The following SLCO6A1 variants were observed in gnomAD, a reference collection of about 807,000 sequenced individuals.
SLCO6A1 encodes cancer/testis antigen 48.
SLCO6A1 carries 65 observed loss-of-function variants against 72.7 expected under a neutral mutation model. That is an observed-to-expected ratio of 0.89 (90% confidence interval 0.73 to 1.10). The LOEUF (loss-of-function observed/expected upper bound fraction) is 1.10, where lower values mean the gene tolerates loss of function less well. Among genes scored for constraint, SLCO6A1 ranks in the 50% least tolerant of loss-of-function variants. The pLI is 0.00. For missense variants in SLCO6A1, 874 were observed against 872.6 expected (o/e 1.00, Z -0.02); for synonymous variants, 314 against 298.2 (o/e 1.05, Z -0.55).
intron 12 of SLCO6A1, among the ~76,000 whole-genome samples, chr5:102,387,020 A>G (rs1746455587): frequency 1.3e-5 from 2 of 152,098 alleles, no homozygotes; most frequent in South Asian, 4.1e-4. Flanking sequence ...CATGTGCTAT[A>G]TTCTTTCAGT....
intron 12 of SLCO6A1, among the ~76,000 whole-genome samples, chr5:102,377,150 C>G (rs562497354): frequency 5.3e-4 from 80 of 152,160 alleles, no homozygotes; most frequent in Middle Eastern, 3.4e-3. Flanking sequence ...GGTGACAGAG[C>G]AAGACATTGT....
At chr5:102,459,536 C>T (rs886162050) in intron 5 of SLCO6A1, 120 bp downstream of exon 5, 2 of 1,144,912 alleles carry the variant, frequency 1.7e-6, no homozygotes, top group Non-Finnish European at 2.4e-6. Context: ...TATGACAAAC[C>T]ACTACAGCGA....
At position 102,419,828 on chromosome 5, in the gene SLCO6A1, A is replaced by T. The variant is rs1748488411; in HGVS notation, c.1470T>A (p.Asp490Glu). The T allele has an allele frequency of 2.5e-6, 4 of 1,593,604 alleles. No individual in the cohort carries two copies. The African/African-American group carries it at 4.1e-5, about 16-fold the overall frequency. ...CTAATATACAAGACTACATTTACCC[A>T]TCATAATCTTCATTGATCCCAGCAA... ...VQFAGINEDY[D>E]GTGKLGNLTA... The change falls in exon 8 of 14, where the codon GAT becomes GAA. Residue 490 changes from aspartate to glutamate, a missense_variant and splice_region_variant. Transcript: ENST00000506729.
At chr5:102,445,163 G>A (rs1396946559) in intron 6 of SLCO6A1, among the ~76,000 whole-genome samples, 4 of 152,108 alleles carry the variant, frequency 2.6e-5, no homozygotes, top group African/African-American at 4.8e-5. Context: ...TTCCACAATG[G>A]CTGAAGTGAT....
At chr5:102,460,336 T>TTGCTGTC (rs1450080664) in intron 4 of SLCO6A1, among the ~76,000 whole-genome samples, 1 of 152,160 alleles carries the variant, frequency 6.6e-6, no homozygotes, top group African/African-American at 2.4e-5. Flanking sequence ...TTAGGACCCT[T>TTGCTGTC]TGCTGTCTTC....
At chr5:102,402,638 A>G (rs1049393713) in intron 9 of SLCO6A1, among the ~76,000 whole-genome samples, 2 of 152,186 alleles carry the variant, frequency 1.3e-5, no homozygotes, top group African/African-American at 4.8e-5. Flanking sequence ...GTAAGAGAAC[A>G]GGAGCACAAG....
intron 1 of SLCO6A1, among the ~76,000 whole-genome samples, chr5:102,488,601 A>G (rs1315915593): frequency 1.3e-5 from 2 of 152,228 alleles, no homozygotes; most frequent in Admixed American, 1.3e-4. Flanking sequence ...AAGCAATGAG[A>G]AATTATGGGG....
chr5:102,494,196 A>G (rs1580532582), intron 1 of SLCO6A1, among the ~76,000 whole-genome samples: 1 of 152,318 alleles, frequency 6.6e-6, no homozygotes, highest in African/African-American at 2.4e-5. Flanking sequence ...ACTGTTTTCA[A>G]TAAACTATAC....
rs569213122 is a variant in SLCO6A1 at position 102,426,062 on chromosome 5, C to T, written c.1277-6041G>A. Among the ~76,000 whole-genome samples, 4 of 152,222 alleles carry T rather than the reference C, an allele frequency of 2.6e-5. No homozygotes were observed. In the South Asian group the frequency reaches 8.3e-4, roughly 32 times the overall value. ...AAATGGTGCTGGGAAGATTGGCTAG[C>T]CATATGCAGAAAACTGAAACTGGAC... On this transcript the variant is annotated intron_variant, in intron 7 of 13. Coordinates refer to ENST00000506729, the MANE Select transcript of SLCO6A1 (RefSeq NM_173488.5).
intron 7 of SLCO6A1, among the ~76,000 whole-genome samples, chr5:102,420,295 C>T (rs896787021): frequency 6.6e-6 from 1 of 152,064 alleles, no homozygotes; most frequent in Non-Finnish European, 1.5e-5. Context: ...AAGGACAAAC[C>T]GGGAACTTAG....
chr5:102,380,487 A>G (rs376957059), intron 12 of SLCO6A1, among the ~76,000 whole-genome samples: 2 of 152,050 alleles, frequency 1.3e-5, no homozygotes, highest in East Asian at 3.9e-4. Context: ...CCTTTTCCCC[A>G]GGAGGAAAAA....
chr5:102,481,720 T>G (rs1041243226), intron 1 of SLCO6A1, among the ~76,000 whole-genome samples: 1 of 152,236 alleles, frequency 6.6e-6, no homozygotes, highest in Non-Finnish European at 1.5e-5. Context: ...GTATCACAAT[T>G]ATCATTTTAC....
intron 10 of SLCO6A1, among the ~76,000 whole-genome samples, chr5:102,399,122 T>C (rs891240397): frequency 6.6e-6 from 1 of 152,132 alleles, no homozygotes; most frequent in African/African-American, 2.4e-5. Context: ...ATAAAAATTA[T>C]ATACTGAAAT....
intron 5 of SLCO6A1, among the ~76,000 whole-genome samples, chr5:102,459,368 T>G (rs1750904032): frequency 6.6e-6 from 1 of 152,158 alleles, no homozygotes; most frequent in Non-Finnish European, 1.5e-5. Context: ...TGCAGTGATC[T>G]GTGATCATAC....
intron 10 of SLCO6A1, among the ~76,000 whole-genome samples, chr5:102,391,990 A>T (rs1371849279): frequency 2.0e-5 from 3 of 152,166 alleles, no homozygotes; most frequent in Non-Finnish European, 4.4e-5. Flanking sequence ...TGAACATTTT[A>T]AAAAGTTAAA....
chr5:102,406,195 G>A (rs570310213), intron 9 of SLCO6A1, among the ~76,000 whole-genome samples: 17 of 151,952 alleles, frequency 1.1e-4, no homozygotes, highest in Admixed American at 7.9e-4. Flanking sequence ...TAACAGACTG[G>A]AGAAAAGGTA....
intron 7 of SLCO6A1, among the ~76,000 whole-genome samples, chr5:102,422,453 A>C (rs1201884392): frequency 6.6e-6 from 1 of 152,214 alleles, no homozygotes; most frequent in African/African-American, 2.4e-5. Flanking sequence ...GCTGAAAAAC[A>C]CAGCACAAGA....
intron 9 of SLCO6A1, among the ~76,000 whole-genome samples, chr5:102,405,970 T>C (rs1747648113): frequency 6.6e-6 from 1 of 152,110 alleles, no homozygotes; most frequent in Non-Finnish European, 1.5e-5. Context: ...TGCTATAATA[T>C]TAATTCTAAA....
At chr5:102,392,372 A>G (rs1746814115) in intron 10 of SLCO6A1, among the ~76,000 whole-genome samples, 2 of 152,052 alleles carry the variant, frequency 1.3e-5, no homozygotes, top group South Asian at 4.1e-4. Context: ...ACTTTAGTGT[A>G]GTTTTTGATA....
Sources: gnomAD v4.1 joint callset for allele counts (sites outside exome capture counted in the v4.1 genomes callset) on GRCh38, gnomAD v4.1.1 for gene constraint, MANE v1.5 for transcripts, NCBI Gene and HGNC (gene_info 2026-07-23, HGNC 2026-07-21) for gene names.